The following MTHFD1L variants were observed in gnomAD, a reference collection of about 807,000 sequenced individuals.
The protein encoded by MTHFD1L is monofunctional C1-tetrahydrofolate synthase, mitochondrial.
A neutral mutation model predicts 119.5 loss-of-function variants in MTHFD1L; 81 were observed. That is an observed-to-expected ratio of 0.68 (90% CI 0.57 to 0.82). The LOEUF is 0.82. Ranked by LOEUF, MTHFD1L falls within the 40% of genes least tolerant of loss-of-function variation. The pLI, the probability that MTHFD1L is intolerant of heterozygous loss-of-function variation, is 0.00. For missense variants in MTHFD1L, 1,125 were observed against 1,253.4 expected, an observed-to-expected ratio of 0.90 and a Z score of 1.55; for synonymous variants, 430 against 475.2, an observed-to-expected ratio of 0.90 and a Z score of 1.24.
chr6:151,099,532 G>T, intron 27 of MTHFD1L: 3 of 1,599,700 alleles, frequency 1.9e-6, no homozygotes, highest in South Asian at 2.2e-5. Context: ...CATCTTGGCC[G>T]CCCTCAGACC....
At chr6:151,008,328 T>G (rs892452923) in intron 20 of MTHFD1L, among the ~76,000 whole-genome samples, 3 of 152,250 alleles carry the variant, frequency 2.0e-5, no homozygotes, top group Non-Finnish European at 4.4e-5. Flanking sequence ...ATCGGTGTCC[T>G]GGTCATACCG....
chr6:150,873,832 G>T (rs1296008667), intron 1 of MTHFD1L, among the ~76,000 whole-genome samples: 4 of 152,090 alleles, frequency 2.6e-5, no homozygotes, highest in Non-Finnish European at 1.5e-5. Flanking sequence ...ACCATGCCTG[G>T]CTAATTTTTG....
chr6:151,022,579 A>G (rs1009513197), intron 24 of MTHFD1L, among the ~76,000 whole-genome samples: 7 of 152,194 alleles, frequency 4.6e-5, no homozygotes, highest in African/African-American at 1.7e-4. Context: ...TTAGAAGGGA[A>G]AAAACACACT....
intron 1 of MTHFD1L, among the ~76,000 whole-genome samples, chr6:150,867,316 A>G (rs1241282283): frequency 6.6e-6 from 1 of 151,988 alleles, no homozygotes; most frequent in Non-Finnish European, 1.5e-5. Context: ...CTTAGCCTCC[A>G]GTGTAACTGG....
rs542209774 is a variant in MTHFD1L, at chr6:150,886,601, A to C, written c.643+867A>C. Among the ~76,000 whole-genome samples, 6 of 152,242 alleles carry C rather than the reference A, an allele frequency of 3.9e-5. No homozygotes were observed. In the South Asian group the frequency reaches 6.2e-4, roughly 16 times the overall value. ...CTTGGCGTTTTTATGTCAGTGAAAT[A>C]GAAATGAATATTTTCTCTTTCTTCA... On this transcript the variant is annotated intron_variant, in intron 6 of 27. Coordinates refer to ENST00000367321, the MANE Select transcript of MTHFD1L (RefSeq NM_015440.5).
At chr6:150,895,129 C>T (rs1459030059) in intron 7 of MTHFD1L, among the ~76,000 whole-genome samples, 2 of 152,170 alleles carry the variant, frequency 1.3e-5, no homozygotes, top group South Asian at 2.1e-4. Flanking sequence ...AAACGCAGGC[C>T]CCCACACCCA....
rs1562287413 is a variant in MTHFD1L at position 150,871,891 on chromosome 6, A to ATTTTTTTTTTTTTTTTTTTT, written c.228-4193_228-4192insTTTTTTTTTTTTTTTTTTTT. ...TTTTAATTTAATTTTATTTTATTTT[A>ATTTTTTTTTTTTTTTTTTTT]TTTTTTGAGACAGTCTCACTCTTTC... On this transcript the variant is annotated intron_variant, in intron 1 of 27. Coordinates refer to ENST00000367321, the MANE Select transcript of MTHFD1L (RefSeq NM_015440.5). Among the ~76,000 whole-genome samples, 86 of 147,116 alleles carry ATTTTTTTTTTTTTTTTTTTT rather than the reference A, an allele frequency of 5.8e-4. 2 individuals carry two copies. Among genetic ancestry groups the ATTTTTTTTTTTTTTTTTTTT allele is most frequent in the African/African-American group, 2.1e-3 (81 of 39,504 alleles).
intron 6 of MTHFD1L, among the ~76,000 whole-genome samples, chr6:150,887,601 A>G (rs1402837414): frequency 2.6e-5 from 4 of 152,134 alleles, no homozygotes; most frequent in East Asian, 1.9e-4. Flanking sequence ...GATTATAGGC[A>G]TGTGCCATGA....
chr6:150,891,503 TTA>T (rs1783270169), intron 7 of MTHFD1L, among the ~76,000 whole-genome samples: 1 of 148,064 alleles, frequency 6.8e-6, no homozygotes, highest in South Asian at 2.1e-4. Context: ...AGATCACTGT[TTA>T]ATATATATAT....
chr6:150,871,850 ATTTTATTTTATTTTAT>A (rs1196188291), intron 1 of MTHFD1L, among the ~76,000 whole-genome samples: 6 of 147,800 alleles, frequency 4.1e-5, no homozygotes, highest in African/African-American at 1.2e-4. Flanking sequence ...TTTTATTTTA[ATTTTATTTTATTTTAT>A]TTTAATTTAA....
chr6:151,085,295 G>T (rs572100802), intron 26 of MTHFD1L, among the ~76,000 whole-genome samples: 6 of 152,128 alleles, frequency 3.9e-5, no homozygotes, highest in African/African-American at 1.4e-4. Flanking sequence ...AGAAATAATT[G>T]TACTTGTTCA....
At chr6:151,033,982 C>G (rs1317044958) in intron 24 of MTHFD1L, among the ~76,000 whole-genome samples, 1 of 151,972 alleles carries the variant, frequency 6.6e-6, no homozygotes, top group African/African-American at 2.4e-5. Flanking sequence ...TCAAGACCAA[C>G]CTGGGCAACG....
At chr6:151,036,393 C>T (rs1056347776) in intron 25 of MTHFD1L, among the ~76,000 whole-genome samples, 1 of 152,162 alleles carries the variant, frequency 6.6e-6, no homozygotes, top group African/African-American at 2.4e-5. Flanking sequence ...CATGTGACTT[C>T]CTGCTCTTTC....
rs565160857 is a variant in MTHFD1L at position 151,035,758 on chromosome 6, A to T, written c.2694+1158A>T. ...TTTCTCCTTTCAGTGTTAAAATGGT[A>T]TTTCTTTTATGAAGTAATCTGGTGA... On this transcript the variant is annotated intron_variant, in intron 25 of 27. Coordinates refer to ENST00000367321, the MANE Select transcript of MTHFD1L (RefSeq NM_015440.5). 7.2e-4 allele frequency among the ~76,000 whole-genome samples: 109 copies of T among 152,228 alleles called. 3 individuals carry two copies. In the South Asian group the frequency reaches 0.013, roughly 18 times the overall value.
chr6:151,067,121 G>C (rs907590151), intron 26 of MTHFD1L, among the ~76,000 whole-genome samples: 2 of 151,556 alleles, frequency 1.3e-5, no homozygotes, highest in Non-Finnish European at 2.9e-5. Context: ...AGCCTCCTGA[G>C]TAGCTGGGAT....
chr6:150,941,922 C>T (rs1235750904), intron 13 of MTHFD1L, among the ~76,000 whole-genome samples: 2 of 152,176 alleles, frequency 1.3e-5, no homozygotes, highest in Non-Finnish European at 2.9e-5. Flanking sequence ...TAACTAAATG[C>T]ATATTCATCT....
chr6:150,922,238 G>C lies in MTHFD1L; in HGVS notation c.1018G>C (p.Glu340Gln). 1 of 1,613,998 alleles carries C rather than the reference G, an allele frequency of 6.2e-7. No homozygotes were observed. Among genetic ancestry groups the C allele is most frequent in the Non-Finnish European group, 8.5e-7 (1 of 1,179,904 alleles). ...MVSSGRRWLR[E>Q]QQHRRWRLHC... is the part of the protein sequence containing the mutation. ...CAGTAGTGGAAGGAGATGGCTTCGT[G>C]AACAGCAGCACAGGCGGTGGAGACT... Residue 340 changes from glutamate to glutamine, a missense_variant, in exon 10 of 28, where the codon GAA (glutamate) becomes CAA (glutamine). Physicochemically the swap from Glu to Gln is conservative, Grantham distance 29 (BLOSUM62 2). Coordinates refer to ENST00000367321, the MANE Select transcript of MTHFD1L (RefSeq NM_015440.5).
At chr6:151,043,575 GGA>G (rs1787485225) in intron 26 of MTHFD1L, among the ~76,000 whole-genome samples, 1 of 152,156 alleles carries the variant, frequency 6.6e-6, no homozygotes, top group Non-Finnish European at 1.5e-5. Context: ...CAGTTGGCCT[GGA>G]GAGGTGTCCG....
chr6:151,000,450 T>TA (rs1264862170), intron 20 of MTHFD1L, among the ~76,000 whole-genome samples: 1 of 152,164 alleles, frequency 6.6e-6, no homozygotes, highest in African/African-American at 2.4e-5. Context: ...GACTCCAAGA[T>TA]ATTTAATAAA....
Sources: allele counts gnomAD v4.1 joint callset (sites outside exome capture counted in the v4.1 genomes callset), GRCh38; gene constraint gnomAD v4.1.1; transcripts MANE v1.5; gene names NCBI Gene and HGNC (gene_info 2026-07-23, HGNC 2026-07-21).